Variants in KCTD16 observed in about 807,000 individuals in gnomAD.
KCTD16 encodes potassium channel tetramerization domain containing 16, also known as BTB/POZ domain-containing protein KCTD16.
In KCTD16, 13 loss-of-function variants were observed where a neutral mutation model predicts 33.2. That is an observed-to-expected ratio of 0.39 (90% CI 0.25 to 0.62). The LOEUF (loss-of-function observed/expected upper bound fraction) is 0.62. KCTD16 is among the 20% of genes least tolerant of loss of function. The probability of loss-of-function intolerance (pLI) is 0.50; values close to 1 mark genes in which losing one functional copy is unlikely to be tolerated. For missense variants in KCTD16, 441 were observed against 525.1 expected (o/e 0.84, Z 1.57); for synonymous variants, 197 against 195.3 (o/e 1.01, Z -0.07).
At chr5:144,274,006 A>T (rs545157235) in intron 3 of KCTD16, among the ~76,000 whole-genome samples, 8 of 150,016 alleles carry the variant, frequency 5.3e-5, no homozygotes, top group African/African-American at 1.9e-4. Flanking sequence ...TGTTATGTGT[A>T]TTAAAATATA....
At chr5:144,375,327 A>T (rs2126926772) in intron 3 of KCTD16, among the ~76,000 whole-genome samples, 1 of 152,282 alleles carries the variant, frequency 6.6e-6, no homozygotes, top group Non-Finnish European at 1.5e-5. Context: ...CCTTTTTTCT[A>T]TTATAATAGA....
At chr5:144,463,498 A>G (rs1754250812) in intron 3 of KCTD16, among the ~76,000 whole-genome samples, 1 of 152,178 alleles carries the variant, frequency 6.6e-6, no homozygotes, top group Non-Finnish European at 1.5e-5. Context: ...TCACTCTCCT[A>G]TCAGAGAAGC....
chr5:144,200,371 G>T (rs1377544962), intron 2 of KCTD16, among the ~76,000 whole-genome samples: 1 of 152,040 alleles, frequency 6.6e-6, no homozygotes, highest in Non-Finnish European at 1.5e-5. Context: ...TGAATCTGAG[G>T]CTGCAGTGGA....
intron 3 of KCTD16, among the ~76,000 whole-genome samples, chr5:144,418,396 G>A (rs113057420): frequency 0.053 from 8,141 of 152,186 alleles, 749 homozygotes; most frequent in African/African-American, 0.19. Context: ...GTGCTGATTG[G>A]TCTGTTTTAC....
At chr5:144,304,847 CCTT>C (rs1429877476) in intron 3 of KCTD16, among the ~76,000 whole-genome samples, 2 of 152,166 alleles carry the variant, frequency 1.3e-5, no homozygotes, top group Non-Finnish European at 2.9e-5. Context: ...TTATCATCAT[CCTT>C]CTCATTAGCA....
intron 3 of KCTD16, among the ~76,000 whole-genome samples, chr5:144,224,979 A>G (rs1253502328): frequency 6.6e-6 from 1 of 152,216 alleles, no homozygotes; most frequent in Non-Finnish European, 1.5e-5. Context: ...AGAAAAGTTC[A>G]TAGGTTCATA....
At chr5:144,192,418 A>C (rs1004756129) in intron 2 of KCTD16, among the ~76,000 whole-genome samples, 1 of 152,242 alleles carries the variant, frequency 6.6e-6, no homozygotes, top group Non-Finnish European at 1.5e-5. Flanking sequence ...AGTTTGCTTA[A>C]TCATTACATT....
At chr5:144,435,611 G>A (rs966353928) in intron 3 of KCTD16, among the ~76,000 whole-genome samples, 4 of 152,182 alleles carry the variant, frequency 2.6e-5, no homozygotes, top group African/African-American at 7.2e-5. Flanking sequence ...CTATATTACC[G>A]GAAATGGGAT....
chr5:144,445,923 T>G (rs898406568), intron 3 of KCTD16, among the ~76,000 whole-genome samples: 4 of 152,042 alleles, frequency 2.6e-5, no homozygotes, highest in African/African-American at 9.7e-5. Flanking sequence ...TCCCAGTTTC[T>G]GTTTTTGGTC....
intron 3 of KCTD16, among the ~76,000 whole-genome samples, chr5:144,292,416 C>T (rs1755919643): frequency 6.6e-6 from 1 of 152,022 alleles, no homozygotes; most frequent in African/African-American, 2.4e-5. Flanking sequence ...TATTGTAGCC[C>T]ATGTAAGAGA....
intron 3 of KCTD16, among the ~76,000 whole-genome samples, chr5:144,471,086 A>C (rs1371835733): frequency 6.6e-6 from 1 of 152,176 alleles, no homozygotes; most frequent in African/African-American, 2.4e-5. Flanking sequence ...AGGCTGAGGC[A>C]GGAGAATCAC....
At position 144,439,468 on chromosome 5, in the gene KCTD16, ATGG is replaced by A. The variant is rs142527450; in HGVS notation, c.833-34190_833-34188del. 2.1e-3 allele frequency: 561 copies of A among 268,230 alleles called. 2 individuals are homozygous for A. The highest frequency in any genetic ancestry group is 0.012 in the African/African-American group (536 of 43,430). 16.6% of individuals were successfully genotyped at this position (268,230 alleles called of 1,614,324 possible). Reference sequence around the variant, plus strand: ...CAGTGCCCGCTACCCAAGAAGCCAGATGGTAAATGAAGTTGGCAAGTCACCTTC... The same window carrying A: ...CAGTGCCCGCTACCCAAGAAGCCAGATAAATGAAGTTGGCAAGTCACCTTC... On this transcript the variant is annotated intron_variant, in intron 3 of 3. Coordinates refer to ENST00000512467, the MANE Select transcript of KCTD16 (RefSeq NM_020768.4).
intron 3 of KCTD16, among the ~76,000 whole-genome samples, chr5:144,353,888 T>G (rs1461632713): frequency 6.6e-6 from 1 of 151,754 alleles, no homozygotes; most frequent in East Asian, 1.9e-4. Context: ...TTTTTTTAAG[T>G]CACAAAATCG....
chr5:144,233,629 C>T (rs1754168385), intron 3 of KCTD16, among the ~76,000 whole-genome samples: 1 of 152,090 alleles, frequency 6.6e-6, no homozygotes, highest in African/African-American at 2.4e-5. Flanking sequence ...GCCCTGTCCC[C>T]AAAAGACTGT....
At chr5:144,234,874 CA>C (rs973263149) in intron 3 of KCTD16, among the ~76,000 whole-genome samples, 19 of 151,984 alleles carry the variant, frequency 1.3e-4, no homozygotes, top group Non-Finnish European at 2.5e-4. Context: ...TTACTGTGAT[CA>C]AAAATGAGTT....
intron 3 of KCTD16, among the ~76,000 whole-genome samples, chr5:144,227,824 G>A (rs1753980637): frequency 6.6e-6 from 1 of 152,186 alleles, no homozygotes; most frequent in Non-Finnish European, 1.5e-5. Flanking sequence ...ATATGCTGAT[G>A]GCATGGGTGT....
intron 2 of KCTD16, among the ~76,000 whole-genome samples, 167 bp downstream of exon 2, chr5:144,174,639 A>G (rs1312521434): frequency 1.3e-5 from 2 of 152,068 alleles, no homozygotes; most frequent in Admixed American, 6.6e-5. Flanking sequence ...TTTTGTTTCA[A>G]TTATTTTACT....
chr5:144,393,963 C>CTTTTTTTTT (rs70995050), intron 3 of KCTD16, among the ~76,000 whole-genome samples: 44 of 121,996 alleles, frequency 3.6e-4, no homozygotes, highest in African/African-American at 4.6e-4. Context: ...TTTCTTTTTT[C>CTTTTTTTTT]TTTTTTTTTT....
At position 144,475,075 on chromosome 5, in the gene KCTD16, T is replaced by A. The variant is rs1257014353; in HGVS notation, c.*961T>A. 1.3e-5 allele frequency: 2 copies of A among 152,166 alleles called. No homozygotes were observed. Among genetic ancestry groups the A allele is most frequent in the African/African-American group, 4.8e-5 (2 of 41,434 alleles). The allele number at this position is 152,166 out of a possible 1,614,324, so 9.4% of individuals were successfully genotyped here. ...CACCCTTTTCTCCATGTTTTCAGAG[T>A]TCTTACTGCCCACAGTTTAATGGTG... is the stretch of plus-strand genomic sequence containing the variant. On this transcript the variant is annotated 3_prime_UTR_variant, in exon 4 of 4. Transcript: ENST00000512467.
Sources: gnomAD v4.1 joint callset for allele counts (sites outside exome capture counted in the v4.1 genomes callset) on GRCh38, gnomAD v4.1.1 for gene constraint, MANE v1.5 for transcripts, NCBI Gene and HGNC (gene_info 2026-07-23, HGNC 2026-07-21) for gene names.